LRRC4C: variants seen among roughly 807,000 people sequenced by gnomAD.
LRRC4C encodes leucine rich repeat containing 4C.
In LRRC4C, 5 loss-of-function variants were observed where a neutral mutation model predicts 33.6. That is an observed-to-expected ratio of 0.15 (90% confidence interval 0.08 to 0.31). The LOEUF (loss-of-function observed/expected upper bound fraction) is 0.31. Among genes scored for constraint, LRRC4C ranks in the 10% least tolerant of loss-of-function variants. The probability of loss-of-function intolerance (pLI) is 1.00; values close to 1 mark genes in which losing one functional copy is unlikely to be tolerated. For missense variants in LRRC4C, 560 were observed against 796.7 expected, an observed-to-expected ratio of 0.70 and a Z score of 3.58; for synonymous variants, 329 against 302.0, an observed-to-expected ratio of 1.09 and a Z score of -0.93.
At chr11:40,192,669 C>G (rs1471581314) in intron 5 of LRRC4C, among the ~76,000 whole-genome samples, 1 of 152,178 alleles carries the variant, frequency 6.6e-6, no homozygotes, top group African/African-American at 2.4e-5. Flanking sequence ...ATGGATCCCA[C>G]TCCCATGGAG....
intron 1 of LRRC4C, among the ~76,000 whole-genome samples, chr11:41,257,168 A>T (rs1251451015): frequency 6.6e-6 from 1 of 151,978 alleles, no homozygotes; most frequent in Admixed American, 6.6e-5. Context: ...ACTAAGTTCA[A>T]ACAACCAGCC....
intron 2 of LRRC4C, among the ~76,000 whole-genome samples, chr11:40,856,384 AGTACGTGGGTAT>A (rs1274393633): frequency 2.5e-4 from 38 of 152,204 alleles, no homozygotes; most frequent in African/African-American, 9.2e-4. Flanking sequence ...ATGTTGTGGA[AGTACGTGGGTAT>A]GTTGCACTAT....
At chr11:41,102,211 G>A (rs1028530631) in intron 1 of LRRC4C, among the ~76,000 whole-genome samples, 4 of 151,920 alleles carry the variant, frequency 2.6e-5, no homozygotes, top group Non-Finnish European at 4.4e-5. Context: ...TAACGTTATC[G>A]TCATTAAAGC....
At chr11:41,034,351 C>T (rs1856903854) in intron 1 of LRRC4C, among the ~76,000 whole-genome samples, 1 of 150,650 alleles carries the variant, frequency 6.6e-6, no homozygotes, top group Admixed American at 6.7e-5. Flanking sequence ...CAAAACTGTA[C>T]AAAAAGAAAT....
rs537926881 is a variant in LRRC4C at position 41,414,793 on chromosome 11, T to C, written c.-496+44638A>G. 2.6e-5 allele frequency among the ~76,000 whole-genome samples: 4 copies of C among 151,970 alleles called. No homozygotes were observed. The South Asian group carries it at 8.3e-4, about 32-fold the overall frequency. On this transcript the variant is annotated intron_variant, in intron 1 of 6. Transcript: ENST00000528697. ...AAAAGATTGTGCTATACGTCATTAGTCTCCTAACTTTGGTTTGAATAATGG... is the reference window on the plus strand; with the variant it reads ...AAAAGATTGTGCTATACGTCATTAGCCTCCTAACTTTGGTTTGAATAATGG...
intron 3 of LRRC4C, among the ~76,000 whole-genome samples, chr11:40,493,913 A>C (rs990517786): frequency 1.1e-4 from 17 of 152,120 alleles, no homozygotes; most frequent in African/African-American, 3.9e-4. Flanking sequence ...GCTGACCTTG[A>C]TGTTCTCCTT....
chr11:40,538,770 A>C (rs1050300610), intron 3 of LRRC4C, among the ~76,000 whole-genome samples: 1 of 152,136 alleles, frequency 6.6e-6, no homozygotes, highest in Non-Finnish European at 1.5e-5. Flanking sequence ...ATAGTGTAAA[A>C]GTGTTCCTAT....
chr11:41,350,834 A>G (rs1289573164), intron 1 of LRRC4C, among the ~76,000 whole-genome samples: 2 of 152,236 alleles, frequency 1.3e-5, no homozygotes, highest in African/African-American at 4.8e-5. Flanking sequence ...CAGGAATTTC[A>G]TAACACAATT....
chr11:40,180,816 C>A (rs1860929269), intron 5 of LRRC4C, among the ~76,000 whole-genome samples: 3 of 152,096 alleles, frequency 2.0e-5, no homozygotes, highest in South Asian at 2.1e-4. Context: ...GTCATGTACA[C>A]CTTTGGAGAA....
intron 2 of LRRC4C, among the ~76,000 whole-genome samples, chr11:40,910,880 C>T (rs894575264): frequency 7.9e-5 from 12 of 152,146 alleles, no homozygotes; most frequent in East Asian, 1.9e-4. Context: ...TCTTAGCAAA[C>T]GGCACACAAG....
intron 1 of LRRC4C, among the ~76,000 whole-genome samples, chr11:40,960,920 T>C (rs1850936987): frequency 6.6e-6 from 1 of 151,662 alleles, no homozygotes; most frequent in African/African-American, 2.4e-5. Flanking sequence ...ATATCCATGG[T>C]CTTTGCTTAT....
intron 1 of LRRC4C, among the ~76,000 whole-genome samples, chr11:41,116,532 C>T (rs1285884019): frequency 4.6e-5 from 7 of 151,992 alleles, no homozygotes; most frequent in Admixed American, 4.6e-4. Flanking sequence ...AATACAGTAA[C>T]AGTAATAATA....
At chr11:40,498,636 A>G (rs149427386) in intron 3 of LRRC4C, among the ~76,000 whole-genome samples, 6 of 152,314 alleles carry the variant, frequency 3.9e-5, no homozygotes, top group Admixed American at 6.5e-5. Context: ...GATAATTGCT[A>G]CTTAGCAATG....
intron 3 of LRRC4C, among the ~76,000 whole-genome samples, chr11:40,513,167 T>C (rs1216768568): frequency 6.9e-6 from 1 of 145,610 alleles, no homozygotes; most frequent in Non-Finnish European, 1.5e-5. Flanking sequence ...GAGAATCACT[T>C]GAACCTGGGA....
At chr11:40,915,149 T>C (rs12290387) in intron 2 of LRRC4C, among the ~76,000 whole-genome samples, 8,754 of 151,976 alleles carry the variant, frequency 0.058, 805 homozygotes, top group African/African-American at 0.19. Flanking sequence ...CAATGCCGTC[T>C]CCATCAAGCT....
rs1406612605 is a variant in LRRC4C, at chr11:40,207,031, C to T, written c.-96+34488G>A. ...TGTAAGAAACAGTGATGGCAGCCCTCCATACATCAAACAATTCAATCTCTC... is the reference window on the plus strand; with the variant it reads ...TGTAAGAAACAGTGATGGCAGCCCTTCATACATCAAACAATTCAATCTCTC... On this transcript the variant is annotated intron_variant, in intron 5 of 6. Transcript: ENST00000528697. 2.0e-5 allele frequency among the ~76,000 whole-genome samples: 3 copies of T among 152,246 alleles called. No homozygotes were observed. In the East Asian group the frequency reaches 5.8e-4, roughly 29 times the overall value.
chr11:40,468,277 A>G (rs565540339), intron 3 of LRRC4C, among the ~76,000 whole-genome samples: 12 of 152,306 alleles, frequency 7.9e-5, no homozygotes, highest in African/African-American at 2.2e-4. Flanking sequence ...TGTAATTTTC[A>G]AGACAGTTCA....
rs770557608 is a variant in LRRC4C, at chr11:40,796,345, A to T, written c.-407+137290T>A. Among the ~76,000 whole-genome samples, 5 of 152,314 alleles carry T rather than the reference A, an allele frequency of 3.3e-5. No individual in the cohort carries two copies. The Middle Eastern group carries it at 0.01, about 311-fold the overall frequency. On this transcript the variant is annotated intron_variant, in intron 2 of 6. Coordinates refer to ENST00000528697, the MANE Select transcript of LRRC4C (RefSeq NM_001258419.2). ...ATGTCAAAGTTCGTGGTGCAGGGTA[A>T]ACTCTGAAGTTCATATAAATCCACC...
At position 40,203,776 on chromosome 11, in the gene LRRC4C, C is replaced by T. The variant is rs564036208; in HGVS notation, c.-96+37743G>A. Among the ~76,000 whole-genome samples, 3 of 152,174 alleles carry T rather than the reference C, an allele frequency of 2.0e-5. No individual in the cohort carries two copies. The South Asian group carries it at 6.2e-4, about 32-fold the overall frequency. On this transcript the variant is annotated intron_variant, in intron 5 of 6. Transcript: ENST00000528697. ...GATCCAAGCTCCCTCACTAAAAATG[C>T]AGGCATTTCATCTAAACAATGTGGA...
Sources: allele counts gnomAD v4.1 joint callset (sites outside exome capture counted in the v4.1 genomes callset), GRCh38; gene constraint gnomAD v4.1.1; transcripts MANE v1.5; gene names NCBI Gene and HGNC (gene_info 2026-07-23, HGNC 2026-07-21).